IL1RAPL1: variants seen among roughly 807,000 people sequenced by gnomAD.
The protein encoded by IL1RAPL1 is interleukin 1 receptor accessory protein like 1, also known as interleukin-1 receptor accessory protein-like 1.
In IL1RAPL1, 3 loss-of-function variants were observed where a neutral mutation model predicts 48.4. The ratio of observed to expected loss-of-function variants is 0.06; its 90% CI spans 0.03 to 0.16. IL1RAPL1 has a LOEUF of 0.16. Among genes scored for constraint, IL1RAPL1 ranks in the 10% least tolerant of loss-of-function variants. The pLI is 1.00. For synonymous variants in IL1RAPL1, 185 were observed against 187.7 expected, an observed-to-expected ratio of 0.99 and a Z score of 0.12; for missense variants, 349 against 530.6, an observed-to-expected ratio of 0.66 and a Z score of 3.36.
chrX:28,962,880 GTA>G (rs1281760388), intron 2 of IL1RAPL1, among the ~76,000 whole-genome samples: 3 of 92,812 alleles, frequency 3.2e-5, no homozygotes, highest in African/African-American at 9.4e-5. Flanking sequence ...GTGTCTGTGT[GTA>G]TGTGTGTGTG....
intron 1 of IL1RAPL1, among the ~76,000 whole-genome samples, chrX:28,761,537 C>T (rs771524885): frequency 2.7e-5 from 3 of 111,240 alleles, no homozygotes; most frequent in Admixed American, 9.6e-5. Context: ...GGAAGCAAAA[C>T]GTTGTGTATT....
At chrX:28,954,168 T>G (rs1051124560) in intron 2 of IL1RAPL1, among the ~76,000 whole-genome samples, 1 of 111,378 alleles carries the variant, frequency 9.0e-6, no homozygotes, top group African/African-American at 3.2e-5. Context: ...GTTCTTTCTT[T>G]AAAAACCCTT....
intron 2 of IL1RAPL1, among the ~76,000 whole-genome samples, chrX:29,137,601 G>C (rs763079221): frequency 1.8e-5 from 2 of 112,054 alleles, no homozygotes; most frequent in East Asian, 5.6e-4. Flanking sequence ...TGAATAGGTA[G>C]ACAGATACCT....
At chrX:29,566,194 C>A (rs898134253) in intron 5 of IL1RAPL1, among the ~76,000 whole-genome samples, 6 of 111,843 alleles carry the variant, frequency 5.4e-5, no homozygotes, top group Non-Finnish European at 9.4e-5. Context: ...CCACCTTGGC[C>A]TCCCAAAGTG....
At chrX:29,866,892 A>G (rs1026300533) in intron 6 of IL1RAPL1, among the ~76,000 whole-genome samples, 2 of 110,675 alleles carry the variant, frequency 1.8e-5, no homozygotes, top group African/African-American at 3.3e-5. Flanking sequence ...ACTATTAAAA[A>G]TGATATCACC....
rs144648295 is a variant in IL1RAPL1, at chrX:28,786,018, A to G, written c.-24-3302A>G. 3.7e-3 allele frequency among the ~76,000 whole-genome samples: 418 copies of G among 111,974 alleles called. 2 individuals are homozygous for G. The highest frequency in any genetic ancestry group is 0.013 in the African/African-American group (391 of 30,824). On this transcript the variant is annotated intron_variant, in intron 1 of 10. Coordinates refer to ENST00000378993, the MANE Select transcript of IL1RAPL1 (RefSeq NM_014271.4). ...TAGTATTCATTGAGCATTGGAAATT[A>G]AAAGTTGCATAAAACTCACATTTAC...
chrX:29,905,509 A>G (rs1932590986), intron 6 of IL1RAPL1, among the ~76,000 whole-genome samples: 1 of 56,543 alleles, frequency 1.8e-5, no homozygotes, highest in African/African-American at 2.2e-4. Context: ...CTAACATTTA[A>G]GTCTTTCTTT....
In IL1RAPL1 at chrX:29,444,856, C is replaced by T. The variant is rs150532198; in HGVS notation, c.703+45548C>T. On this transcript the variant is annotated intron_variant, in intron 5 of 10. Transcript: ENST00000378993. ...CTAGATAATGATTGAATATCATTGT[C>T]CCTGATGGTGGTTTTGTAGTACAGA... 7.7e-3 allele frequency among the ~76,000 whole-genome samples: 865 copies of T among 111,752 alleles called. 12 individuals are homozygous for T. Among genetic ancestry groups the T allele is most frequent in the African/African-American group, 0.027 (826 of 30,744 alleles).
At chrX:29,093,744 C>T (rs990325044) in intron 2 of IL1RAPL1, among the ~76,000 whole-genome samples, 2 of 112,115 alleles carry the variant, frequency 1.8e-5, no homozygotes, top group African/African-American at 6.5e-5. Context: ...GAACTGAGAT[C>T]AGACAAGGTG....
At chrX:29,678,521 A>G (rs1409422072) in intron 6 of IL1RAPL1, among the ~76,000 whole-genome samples, 1 of 89,940 alleles carries the variant, frequency 1.1e-5, no homozygotes, top group Non-Finnish European at 2.0e-5. Context: ...CGCCTGGCTA[A>G]TTTTGTGTGT....
At chrX:29,053,214 T>G (rs1333814643) in intron 2 of IL1RAPL1, among the ~76,000 whole-genome samples, 1 of 111,894 alleles carries the variant, frequency 8.9e-6, no homozygotes, top group Admixed American at 9.5e-5. Flanking sequence ...GATTTGTTCT[T>G]TTTTTATGGC....
intron 2 of IL1RAPL1, among the ~76,000 whole-genome samples, chrX:28,815,861 A>G (rs1396985604): frequency 8.0e-4 from 57 of 71,254 alleles, no homozygotes; most frequent in African/African-American, 2.2e-3. Context: ...ATATATATAT[A>G]TATATATATA....
At chrX:29,596,977 T>G (rs1923569917) in intron 5 of IL1RAPL1, among the ~76,000 whole-genome samples, 1 of 111,537 alleles carries the variant, frequency 9.0e-6, no homozygotes. Context: ...TTTCTGCCTC[T>G]ATTGAGATGA....
intron 6 of IL1RAPL1, among the ~76,000 whole-genome samples, chrX:29,869,419 C>A (rs1931759654): frequency 9.0e-6 from 1 of 111,223 alleles, no homozygotes; most frequent in African/African-American, 3.3e-5. Context: ...GTAATGCTCC[C>A]CCTAGCAGAA....
intron 2 of IL1RAPL1, among the ~76,000 whole-genome samples, chrX:29,115,675 C>T (rs1231643928): frequency 1.8e-5 from 2 of 110,419 alleles, no homozygotes; most frequent in African/African-American, 6.6e-5. Flanking sequence ...TGTAACTCCA[C>T]AGATATCCTG....
chrX:29,060,322 GC>G (rs1320399057), intron 2 of IL1RAPL1, among the ~76,000 whole-genome samples: 1 of 111,432 alleles, frequency 9.0e-6, no homozygotes, highest in East Asian at 2.8e-4. Flanking sequence ...ACACTTTTTA[GC>G]CCACAATTCC....
intron 5 of IL1RAPL1, among the ~76,000 whole-genome samples, chrX:29,648,114 T>TA (rs1273145285): frequency 8.9e-6 from 1 of 111,980 alleles, no homozygotes; most frequent in African/African-American, 3.2e-5. Context: ...TATAGACATA[T>TA]ATGTACATCA....
At chrX:29,689,915 A>G (rs1228402211) in intron 6 of IL1RAPL1, among the ~76,000 whole-genome samples, 1 of 112,145 alleles carries the variant, frequency 8.9e-6, no homozygotes, top group Non-Finnish European at 1.9e-5. Flanking sequence ...GAGCCCAATT[A>G]ATAAGGTAGT....
intron 2 of IL1RAPL1, among the ~76,000 whole-genome samples, chrX:28,819,925 T>A (rs1936912609): frequency 1.1e-5 from 1 of 92,698 alleles, no homozygotes; most frequent in Non-Finnish European, 2.1e-5. Flanking sequence ...ATAAAGAACT[T>A]TTGTTCTATT....
Sources: allele counts gnomAD v4.1 joint callset (sites outside exome capture counted in the v4.1 genomes callset), GRCh38; gene constraint gnomAD v4.1.1; transcripts MANE v1.5; gene names NCBI Gene and HGNC (gene_info 2026-07-23, HGNC 2026-07-21).